The following PCDHGA10 variants were observed in gnomAD, a reference collection of about 807,000 sequenced individuals.
The protein encoded by PCDHGA10 is protocadherin gamma-A10.
In PCDHGA10, 42 loss-of-function variants were observed where a neutral mutation model predicts 59.5. That is an observed-to-expected ratio of 0.71 (90% CI 0.55 to 0.91). The LOEUF (loss-of-function observed/expected upper bound fraction) is 0.91. Ranked by LOEUF, PCDHGA10 falls within the 40% of genes least tolerant of loss-of-function variation. The pLI is 0.00. For missense variants in PCDHGA10, 1,111 were observed against 1,198.2 expected (o/e 0.93, Z 1.07); for synonymous variants, 511 against 517.2 (o/e 0.99, Z 0.16).
In PCDHGA10 at chr5:141,432,571, G is replaced by C; in HGVS notation, c.2436+16960G>C. On this transcript the variant is annotated intron_variant, in intron 1 of 3. Transcript: ENST00000398610. The surrounding 1 kb of genome is among the most constrained non-coding windows in gnomAD (Gnocchi z 6.0). ...GAGACTCCGGCCAGAACGCCTGGCT[G>C]TCCTACCGTCTGCTCAAGGCCAGCG... The C allele has an allele frequency of 6.2e-7, 1 of 1,613,954 alleles. No individual in the cohort carries two copies. The highest frequency in any genetic ancestry group is 8.5e-7 in the Non-Finnish European group (1 of 1,179,992).
chr5:141,461,027 C>G (rs993151622), intron 1 of PCDHGA10, among the ~76,000 whole-genome samples: 2 of 150,168 alleles, frequency 1.3e-5, no homozygotes, highest in Non-Finnish European at 3.0e-5. Flanking sequence ...TTTTCTTTAT[C>G]CACTCATTAG....
Position 141,415,122 on chromosome 5 carries a change from C to T in PCDHGA10, c.1947C>T (p.Ala649=), listed in dbSNP as rs552568826. ...RDALKQSLVV[A]VQDHGQPPLS... The stretch of plus-strand genomic sequence containing the variant: ...CGCTCAAGCAAAGCCTCGTAGTGGC[C>T]GTCCAGGACCACGGCCAGCCCCCTC... The change falls in exon 1 of 4, where the codon GCC becomes GCT. Residue 649 remains alanine, a synonymous_variant. Transcript: ENST00000398610. 34 of 1,613,668 alleles carry T rather than the reference C, an allele frequency of 2.1e-5. No homozygotes were observed. Among genetic ancestry groups the T allele is most frequent in the Admixed American group, 6.7e-5 (4 of 60,032 alleles).
intron 1 of PCDHGA10, chr5:141,417,903 A>G (rs2096184376): frequency 1.3e-6 from 2 of 1,590,930 alleles, no homozygotes; most frequent in Non-Finnish European, 8.6e-7. Flanking sequence ...GGCCCGCGGC[A>G]GGTACTATTT....
At chr5:141,438,591 CATATATAT>C (rs946798767) in intron 1 of PCDHGA10, among the ~76,000 whole-genome samples, 35 of 75,562 alleles carry the variant, frequency 4.6e-4, no homozygotes, top group South Asian at 1.0e-3. Flanking sequence ...TACATACATA[CATATATAT>C]ATATATATAT....
Position 141,491,300 on chromosome 5 carries a change from G to A in PCDHGA10, c.2437-3507G>A, listed in dbSNP as rs2099710472. On this transcript the variant is annotated intron_variant, in intron 1 of 3. Coordinates refer to ENST00000398610, the MANE Select transcript of PCDHGA10 (RefSeq NM_018913.3). This position sits in a 1 kb window ranked among gnomAD's most constrained non-coding sequence, Gnocchi z 6.9. ...GACTTCCTCATACACCCTCCTGAGC[G>A]TTCAGACCTTACCCTTTACCTCATT... 1 of 1,614,136 alleles carries A rather than the reference G, an allele frequency of 6.2e-7. No homozygotes were observed. The highest frequency in any genetic ancestry group is 1.1e-5 in the South Asian group (1 of 91,086).
intron 1 of PCDHGA10, chr5:141,426,849 G>A (rs749455878): frequency 2.4e-5 from 11 of 456,660 alleles, no homozygotes; most frequent in South Asian, 1.7e-4. Flanking sequence ...AGGCAAGAAC[G>A]CTCCAGAATT....
In PCDHGA10 at chr5:141,487,258, G is replaced by T. The variant is rs368598017; in HGVS notation, c.2437-7549G>T. On this transcript the variant is annotated intron_variant, in intron 1 of 3. Transcript: ENST00000398610. The surrounding 1 kb of genome is among the most constrained non-coding windows in gnomAD (Gnocchi z 5.0). ...CTCGTCTAACCCTCTACTTGGCTGT[G>T]TCCCTAGTGGCAATTTGCTTTGTCT... 1.5e-4 allele frequency: 240 copies of T among 1,614,026 alleles called. 1 individual carries two copies. The highest frequency in any genetic ancestry group is 3.3e-5 in the Admixed American group (2 of 60,004).
chr5:141,471,977 A>G (rs1487329441), intron 1 of PCDHGA10, among the ~76,000 whole-genome samples: 1 of 152,212 alleles, frequency 6.6e-6, no homozygotes, highest in Non-Finnish European at 1.5e-5. Context: ...ATTACTGTAT[A>G]AATTTATTAA....
At chr5:141,417,781 G>C in intron 1 of PCDHGA10, 1 of 1,473,574 alleles carries the variant, frequency 6.8e-7, no homozygotes. Flanking sequence ...CCTGTCCTGG[G>C]CCGAATGCTC....
intron 1 of PCDHGA10, among the ~76,000 whole-genome samples, chr5:141,471,014 G>A (rs2099246573): frequency 6.7e-6 from 1 of 148,628 alleles, no homozygotes; most frequent in Non-Finnish European, 1.5e-5. Context: ...ACTGTGCCTG[G>A]TCAATCATTT....
At chr5:141,497,212 G>T (rs968445663) in intron 2 of PCDHGA10, among the ~76,000 whole-genome samples, 3 of 150,900 alleles carry the variant, frequency 2.0e-5, no homozygotes, top group Non-Finnish European at 3.0e-5. Context: ...AGTGTAATGG[G>T]GGGGGGAAGA....
chr5:141,415,605 G>T lies in PCDHGA10; in HGVS notation c.2430G>T (p.Leu810Phe). 1.2e-6 allele frequency: 2 copies of T among 1,613,122 alleles called. No homozygotes were observed. Among genetic ancestry groups the T allele is most frequent in the Non-Finnish European group, 1.7e-6 (2 of 1,179,804 alleles). Residue 810 changes from leucine to phenylalanine, a missense_variant, in exon 1 of 4, where the codon TTG becomes TTT. Leu to Phe is a conservative substitution (Grantham distance 22). Transcript: ENST00000398610. ...DSKFPIEDTP[L>F]VPQAPPNTDW... is the part of the protein sequence containing the mutation. The stretch of plus-strand genomic sequence containing the variant: ...AGTTTCCTATAGAGGATACCCCATT[G>T]GTTCCAGTGAGTTTTATTTTCATTT...
chr5:141,421,901 G>C (rs754277661), intron 1 of PCDHGA10: 1 of 1,613,724 alleles, frequency 6.2e-7, no homozygotes, highest in East Asian at 2.2e-5. Flanking sequence ...ATCCGAAAGG[G>C]CGCAGTTCCC....
intron 1 of PCDHGA10, among the ~76,000 whole-genome samples, chr5:141,458,992 C>G (rs1268862644): frequency 6.6e-6 from 1 of 152,190 alleles, no homozygotes; most frequent in African/African-American, 2.4e-5. Flanking sequence ...CTCACCCTCC[C>G]AAAGTGCTGG....
intron 1 of PCDHGA10, chr5:141,423,619 T>A (rs1389600826): frequency 1.2e-6 from 2 of 1,608,208 alleles, no homozygotes; most frequent in Non-Finnish European, 1.7e-6. Context: ...AGCTGAAGAC[T>A]CAGCTATCAT....
chr5:141,478,752 G>A (rs2099475483), intron 1 of PCDHGA10: 2 of 1,521,420 alleles, frequency 1.3e-6, no homozygotes, highest in South Asian at 1.3e-5. Context: ...CATTTCAGGG[G>A]GAAGATACTT....
Position 141,494,880 on chromosome 5 carries a change from C to T in PCDHGA10, c.2495+15C>T. On this transcript the variant is annotated intron_variant, in intron 2 of 3. Transcript: ENST00000398610. ...GGCACCAGCGGGTAGGTGACTGATT[C>T]TCCAGCCCACCCTCTTCTCTGCGGC... 3 of 1,614,158 alleles carry T rather than the reference C, an allele frequency of 1.9e-6. No homozygotes were observed. Among genetic ancestry groups the T allele is most frequent in the Non-Finnish European group, 1.7e-6 (2 of 1,180,012 alleles).
At chr5:141,418,136 G>C (rs1218707482) in intron 1 of PCDHGA10, 15 of 1,613,984 alleles carry the variant, frequency 9.3e-6, no homozygotes, top group Non-Finnish European at 1.1e-5. Flanking sequence ...AATAGACCGT[G>C]AGCAAATATG....
At chr5:141,510,525 G>A (rs545854649) in intron 3 of PCDHGA10, among the ~76,000 whole-genome samples, 1 of 152,316 alleles carries the variant, frequency 6.6e-6, no homozygotes, top group African/African-American at 2.4e-5. Context: ...ACAGCCCTGA[G>A]AGAAATACCA....
Sources: allele counts gnomAD v4.1 joint callset (sites outside exome capture counted in the v4.1 genomes callset), GRCh38; gene constraint gnomAD v4.1.1; non-coding constraint Gnocchi (gnomAD v3.1); transcripts MANE v1.5; gene names NCBI Gene and HGNC (gene_info 2026-07-23, HGNC 2026-07-21).